The following PCDH9 variants were observed in gnomAD, a reference collection of about 807,000 sequenced individuals.
PCDH9 encodes protocadherin-9.
Under a neutral mutation model 70.6 loss-of-function variants are expected in PCDH9, and 24 were observed. That is an observed-to-expected ratio of 0.34 (90% CI 0.25 to 0.48). The LOEUF (loss-of-function observed/expected upper bound fraction) is 0.48. Ranked by LOEUF, PCDH9 falls within the 20% of genes least tolerant of loss-of-function variation. The probability of loss-of-function intolerance (pLI) is 0.99; values close to 1 mark genes in which losing one functional copy is unlikely to be tolerated. For synonymous variants in PCDH9, 562 were observed against 558.5 expected, an observed-to-expected ratio of 1.01 and a Z score of -0.09; for missense variants, 1,281 against 1,503.6, an observed-to-expected ratio of 0.85 and a Z score of 2.45.
At position 66,676,546 on chromosome 13, in the gene PCDH9, A is replaced by G. The variant is rs916277378; in HGVS notation, c.3139-45135T>C. 9.2e-5 allele frequency among the ~76,000 whole-genome samples: 14 copies of G among 152,242 alleles called. No homozygotes were observed. In the East Asian group the frequency reaches 2.7e-3, roughly 29 times the overall value. ...CTTGGAAAGTTGTAGAGAGGCTACA[A>G]ATTTGCTTAATATCCATGACAGGAT... is the stretch of plus-strand genomic sequence containing the variant. On this transcript the variant is annotated intron_variant, in intron 3 of 4. Transcript: ENST00000377865.
At chr13:66,363,360 A>G (rs1170474206) in intron 4 of PCDH9, among the ~76,000 whole-genome samples, 2 of 152,116 alleles carry the variant, frequency 1.3e-5, no homozygotes, top group Non-Finnish European at 2.9e-5. Flanking sequence ...TTTTTTGGCA[A>G]AAAAAGTTAA....
At chr13:66,863,752 G>C (rs993300823) in intron 3 of PCDH9, among the ~76,000 whole-genome samples, 1 of 152,082 alleles carries the variant, frequency 6.6e-6, no homozygotes, top group African/African-American at 2.4e-5. Context: ...GCCTCACAAA[G>C]TGAATACCAA....
chr13:66,423,078 G>A (rs1957598019), intron 4 of PCDH9, among the ~76,000 whole-genome samples: 1 of 151,816 alleles, frequency 6.6e-6, no homozygotes, highest in African/African-American at 2.4e-5. Context: ...TGAATGCCTG[G>A]ACACATACAC....
At chr13:66,836,289 T>C (rs2081016170) in intron 3 of PCDH9, among the ~76,000 whole-genome samples, 2 of 152,216 alleles carry the variant, frequency 1.3e-5, no homozygotes, top group Non-Finnish European at 2.9e-5. Flanking sequence ...AGGATAAATT[T>C]GACGACTGGA....
chr13:66,427,126 A>G (rs1395353981), intron 4 of PCDH9, among the ~76,000 whole-genome samples: 3 of 151,676 alleles, frequency 2.0e-5, no homozygotes, highest in Non-Finnish European at 4.4e-5. Flanking sequence ...AACATTAAAT[A>G]TCAAGCTACT....
intron 2 of PCDH9, among the ~76,000 whole-genome samples, chr13:67,071,056 G>A (rs2138154046): frequency 6.6e-6 from 1 of 152,168 alleles, no homozygotes; most frequent in South Asian, 2.1e-4. Flanking sequence ...TCCCAAACAA[G>A]AGGCACTATC....
At chr13:66,483,843 A>G (rs1415482338) in intron 4 of PCDH9, among the ~76,000 whole-genome samples, 2 of 152,144 alleles carry the variant, frequency 1.3e-5, no homozygotes, top group Non-Finnish European at 2.9e-5. Flanking sequence ...TCCTGGGCCT[A>G]TAAAAACTGG....
intron 3 of PCDH9, among the ~76,000 whole-genome samples, chr13:66,685,954 G>C (rs945904116): frequency 6.6e-6 from 1 of 152,190 alleles, no homozygotes; most frequent in African/African-American, 2.4e-5. Context: ...CAGGCTTATA[G>C]GTGGAAGGGA....
intron 3 of PCDH9, among the ~76,000 whole-genome samples, chr13:66,875,727 T>C (rs2081795474): frequency 6.6e-6 from 1 of 152,214 alleles, no homozygotes; most frequent in Non-Finnish European, 1.5e-5. Context: ...CTTTCTCTAG[T>C]TTATTTATAG....
chr13:66,312,913 C>T (rs901667929), intron 4 of PCDH9, among the ~76,000 whole-genome samples: 2 of 152,180 alleles, frequency 1.3e-5, no homozygotes, highest in Admixed American at 6.5e-5. Context: ...CAGATGGAGA[C>T]AGTCCAAATA....
At chr13:66,524,300 C>T (rs1222871385) in intron 4 of PCDH9, among the ~76,000 whole-genome samples, 1 of 151,692 alleles carries the variant, frequency 6.6e-6, no homozygotes, top group Non-Finnish European at 1.5e-5. Context: ...CAGAATTTTT[C>T]CTTTTCTCTT....
intron 4 of PCDH9, among the ~76,000 whole-genome samples, chr13:66,457,915 C>T (rs770544369): frequency 1.3e-5 from 2 of 151,922 alleles, no homozygotes; most frequent in Non-Finnish European, 2.9e-5. Flanking sequence ...TCCCTTAAAT[C>T]GTTTCATTCA....
At chr13:66,752,311 T>C (rs886208992) in intron 3 of PCDH9, among the ~76,000 whole-genome samples, 9 of 152,348 alleles carry the variant, frequency 5.9e-5, no homozygotes, top group Non-Finnish European at 1.2e-4. Context: ...TATTGCTTTA[T>C]TTTATTTATG....
At chr13:66,507,702 G>C (rs201440739) in intron 4 of PCDH9, among the ~76,000 whole-genome samples, 103 of 20,280 alleles carry the variant, frequency 5.1e-3, no homozygotes, top group African/African-American at 8.6e-3. Flanking sequence ...TTTCTTTTTT[G>C]TTTGTTTGTT....
intron 3 of PCDH9, among the ~76,000 whole-genome samples, chr13:66,685,432 G>A (rs1242412215): frequency 2.6e-5 from 4 of 152,204 alleles, no homozygotes; most frequent in Non-Finnish European, 5.9e-5. Flanking sequence ...GTATGGAAAT[G>A]CCAATATGTC....
intron 2 of PCDH9, chr13:67,222,154 T>C (rs1022052366): frequency 1.3e-5 from 2 of 151,950 alleles, no homozygotes; most frequent in Non-Finnish European, 2.9e-5. Context: ...TAGGCAAATA[T>C]ACCAATGAAT....
At chr13:67,198,300 A>G (rs1482930272) in intron 2 of PCDH9, among the ~76,000 whole-genome samples, 2 of 151,858 alleles carry the variant, frequency 1.3e-5, no homozygotes, top group Admixed American at 6.6e-5. Context: ...TTATTTGTAA[A>G]TAAAAGTGTA....
chr13:66,319,141 G>A (rs1179123060), intron 4 of PCDH9, among the ~76,000 whole-genome samples: 1 of 152,164 alleles, frequency 6.6e-6, no homozygotes, highest in Non-Finnish European at 1.5e-5. Context: ...TCACAAGGCG[G>A]CAGGAGAGAG....
At chr13:67,155,645 GA>G (rs954290228) in intron 2 of PCDH9, among the ~76,000 whole-genome samples, 1 of 151,958 alleles carries the variant, frequency 6.6e-6, no homozygotes, top group Non-Finnish European at 1.5e-5. Context: ...GTTTTCTAAG[GA>G]ATTAGCAATG....
Sources: allele counts gnomAD v4.1 joint callset (sites outside exome capture counted in the v4.1 genomes callset), GRCh38; gene constraint gnomAD v4.1.1; transcripts MANE v1.5; gene names NCBI Gene and HGNC (gene_info 2026-07-23, HGNC 2026-07-21).